The following PTPN23 variants were observed in gnomAD, a reference collection of about 807,000 sequenced individuals.
The protein encoded by PTPN23 is protein tyrosine phosphatase non-receptor type 23.
Under a neutral mutation model 156.3 loss-of-function variants are expected in PTPN23, and 72 were observed. That is an observed-to-expected ratio of 0.46 (90% CI 0.38 to 0.56). The LOEUF is 0.56. PTPN23 is among the 20% of genes least tolerant of loss of function. PTPN23 has a pLI of 0.00. For missense variants in PTPN23, 1,974 were observed against 2,171.5 expected (o/e 0.91, Z 1.81); for synonymous variants, 957 against 899.6 (o/e 1.06, Z -1.14).
At chr3:47,399,182 A>G (rs1704942183) in intron 2 of PTPN23, among the ~76,000 whole-genome samples, 1 of 152,210 alleles carries the variant, frequency 6.6e-6, no homozygotes, top group Non-Finnish European at 1.5e-5. Flanking sequence ...TTTGGAGGAC[A>G]GAGTCCTTTT....
chr3:47,385,280 A>C (rs1476628643), intron 1 of PTPN23, among the ~76,000 whole-genome samples: 1 of 152,202 alleles, frequency 6.6e-6, no homozygotes, highest in Non-Finnish European at 1.5e-5. Context: ...GCTCAAGTCC[A>C]GCTTACTTGG....
At chr3:47,387,990 T>C (rs1414872946) in intron 1 of PTPN23, among the ~76,000 whole-genome samples, 2 of 152,184 alleles carry the variant, frequency 1.3e-5, no homozygotes, top group Non-Finnish European at 2.9e-5. Flanking sequence ...TACTGTTTGG[T>C]GCTCAGTAAA....
rs749541946 is a variant in PTPN23, at chr3:47,405,808, G to A, written c.414+10G>A. The A allele has an allele frequency of 3.8e-6, 6 of 1,589,358 alleles. No homozygotes were observed. The highest frequency in any genetic ancestry group is 4.3e-6 in the Non-Finnish European group (5 of 1,167,460). On this transcript the variant is annotated intron_variant, in intron 5 of 24. Coordinates refer to ENST00000265562, the MANE Select transcript of PTPN23 (RefSeq NM_015466.4). This position sits in a 1 kb window ranked among gnomAD's most constrained non-coding sequence, Gnocchi z 4.7. ...GCGGGTGTCTGAGGAGGTGAGGAGA[G>A]GGGCAGTAGTGGAACATGTGGACAT... is the stretch of plus-strand genomic sequence containing the variant.
intron 23 of PTPN23, 27 bp from the exon 24 acceptor site, chr3:47,412,487 C>T (rs1270164328): frequency 6.2e-7 from 1 of 1,611,828 alleles, no homozygotes; most frequent in Non-Finnish European, 8.5e-7. Context: ...CCCTGCCCAG[C>T]TGACCTGGCC....
intron 1 of PTPN23, among the ~76,000 whole-genome samples, chr3:47,387,383 A>C (rs936889814): frequency 4.7e-5 from 7 of 149,692 alleles, no homozygotes; most frequent in Admixed American, 2.0e-4. Context: ...CCTGGGCAAC[A>C]AAGCAAGACC....
chr3:47,382,881 G>A (rs930088445), intron 1 of PTPN23, among the ~76,000 whole-genome samples: 48 of 150,164 alleles, frequency 3.2e-4, no homozygotes, highest in Admixed American at 8.0e-4. Flanking sequence ...GTGGAGAGGG[G>A]GTTTCATCGT....
Position 47,408,785 on chromosome 3 carries a change from G to A in PTPN23, c.1340G>A (p.Gly447Asp), listed in dbSNP as rs755297831. ...CAATCCACAACCCCAGTGCTGTCAG[G>A]TGTGTTCACGGATGTGGAGGCTTCC... ...NLVQSMQVLS[G>D]VFTDVEASLK... Residue 447 changes from glycine to aspartate, a missense_variant, in exon 16 of 25, where the codon GGT becomes GAT. By Grantham distance (94) the Gly-to-Asp change is moderately conservative. Transcript: ENST00000265562. 6.3e-7 allele frequency: 1 copy of A among 1,592,814 alleles called. No homozygotes were observed. Among genetic ancestry groups the A allele is most frequent in the Admixed American group, 1.7e-5 (1 of 59,026 alleles).
At chr3:47,403,401 A>T (rs1252660019) in intron 2 of PTPN23, among the ~76,000 whole-genome samples, 1 of 152,092 alleles carries the variant, frequency 6.6e-6, no homozygotes, top group Non-Finnish European at 1.5e-5. Flanking sequence ...AGGCATCTTA[A>T]CATATGAGTA....
At chr3:47,386,031 A>T (rs775076806) in intron 1 of PTPN23, among the ~76,000 whole-genome samples, 1 of 152,150 alleles carries the variant, frequency 6.6e-6, no homozygotes, top group Non-Finnish European at 1.5e-5. Context: ...GTTGAACTGT[A>T]CGTCATTAGG....
rs553568526 is a variant in PTPN23 at position 47,408,732 on chromosome 3, G to A, written c.1331-44G>A. 2.3e-5 allele frequency: 35 copies of A among 1,548,534 alleles called. No homozygotes were observed. The East Asian group carries it at 3.4e-4, about 15-fold the overall frequency. ...TTGGGGGAGGGGCCCATGGGTGCCC[G>A]GTCAGCCTGCCTCAGGGGCTGCCTG... On this transcript the variant is annotated intron_variant, in intron 15 of 24. Transcript: ENST00000265562.
intron 2 of PTPN23, among the ~76,000 whole-genome samples, chr3:47,401,069 AT>A (rs1210525574): frequency 1.3e-5 from 2 of 148,446 alleles, no homozygotes; most frequent in Non-Finnish European, 3.0e-5. Flanking sequence ...TGCCTGGCTA[AT>A]TTTTGTATTT....
intron 1 of PTPN23, among the ~76,000 whole-genome samples, chr3:47,387,403 CAAAAAAAAAA>C (rs34969941): frequency 9.3e-6 from 1 of 107,922 alleles, no homozygotes; most frequent in South Asian, 3.2e-4. Flanking sequence ...CCTGTCTCTA[CAAAAAAAAAA>C]AAAAAAAAAG....
chr3:47,412,864 G>A lies in PTPN23; in HGVS notation c.4590G>A (p.Pro1530=). ...GCCCTGCAGAGCCCCCAGGCCTCCCGCCAGCCAGCCTCCCAGAGTCTACCC... is the reference window on the plus strand; with the variant it reads ...GCCCTGCAGAGCCCCCAGGCCTCCCACCAGCCAGCCTCCCAGAGTCTACCC... The part of the protein sequence containing the change: ...LPGPAEPPGL[P]PASLPESTPI... The change falls in exon 25 of 25, where the codon CCG becomes CCA. Residue 1530 remains proline, a synonymous_variant. Transcript: ENST00000265562. The A allele has an allele frequency of 5.0e-6, 8 of 1,613,178 alleles. No homozygotes were observed. The highest frequency in any genetic ancestry group is 6.8e-6 in the Non-Finnish European group (8 of 1,179,780).
intron 1 of PTPN23, among the ~76,000 whole-genome samples, chr3:47,392,686 C>A (rs1225050542): frequency 6.6e-6 from 1 of 152,100 alleles, no homozygotes; most frequent in African/African-American, 2.4e-5. Flanking sequence ...TGGCTTTTAT[C>A]ATATTCTCAA....
At position 47,405,486 on chromosome 3, in the gene PTPN23, G is replaced by T; in HGVS notation, c.365-263G>T. ...GAAGCTTGGGGAGCCCCAGAGTTCTGTGCAAACATCCCTGAAGCTTCAAGA... is the reference window on the plus strand; with the variant it reads ...GAAGCTTGGGGAGCCCCAGAGTTCTTTGCAAACATCCCTGAAGCTTCAAGA... On this transcript the variant is annotated intron_variant, in intron 4 of 24. Transcript: ENST00000265562. This position sits in a 1 kb window ranked among gnomAD's most constrained non-coding sequence, Gnocchi z 4.7. 1 of 559,560 alleles carries T rather than the reference G, an allele frequency of 1.8e-6. No homozygotes were observed. Among genetic ancestry groups the T allele is most frequent in the Non-Finnish European group, 3.2e-6 (1 of 314,726 alleles). 34.7% of individuals were successfully genotyped at this position (559,560 alleles called of 1,614,324 possible).
At position 47,405,725 on chromosome 3, in the gene PTPN23, T is replaced by C. The variant is rs1332251006; in HGVS notation, c.365-24T>C. ...ATGGGTGTGAGCAGCCCCAGGCCCC[T>C]AACACTGTCCCCTCCCTCCCCAGGA... On this transcript the variant is annotated intron_variant, in intron 4 of 24. Coordinates refer to ENST00000265562, the MANE Select transcript of PTPN23 (RefSeq NM_015466.4). This position sits in a 1 kb window ranked among gnomAD's most constrained non-coding sequence, Gnocchi z 4.7. The C allele has an allele frequency of 1.9e-6, 3 of 1,596,068 alleles. No individual in the cohort carries two copies. Among genetic ancestry groups the C allele is most frequent in the African/African-American group, 2.7e-5 (2 of 74,420 alleles).
At position 47,405,100 on chromosome 3, in the gene PTPN23, T is replaced by C; in HGVS notation, c.364+19T>C. Reference sequence around the variant, plus strand: ...AACCTTGGTGAGCTGCCTGATCCCTTCCCCCGGCCCTACTCCCCAGTCCTG... The same window carrying C: ...AACCTTGGTGAGCTGCCTGATCCCTCCCCCCGGCCCTACTCCCCAGTCCTG... On this transcript the variant is annotated intron_variant, in intron 4 of 24. Coordinates refer to ENST00000265562, the MANE Select transcript of PTPN23 (RefSeq NM_015466.4). The surrounding 1 kb of genome is among the most constrained non-coding windows in gnomAD (Gnocchi z 4.7). 6.2e-7 allele frequency: 1 copy of C among 1,612,110 alleles called. No homozygotes were observed. The highest frequency in any genetic ancestry group is 8.5e-7 in the Non-Finnish European group (1 of 1,178,352).
At chr3:47,409,859 T>G in intron 19 of PTPN23, 25 bp downstream of exon 19, 2 of 1,602,526 alleles carry the variant, frequency 1.2e-6, no homozygotes, top group Non-Finnish European at 8.5e-7. Context: ...GGGGCTGTGG[T>G]GCGGCTCGGG....
rs752515390 is a variant in PTPN23 at position 47,411,200 on chromosome 3, T to TG, written c.3407dup (p.Gly1137TrpfsTer14). 1 of 1,604,194 alleles carries TG rather than the reference T, an allele frequency of 6.2e-7. No homozygotes were observed. The highest frequency in any genetic ancestry group is 1.7e-5 in the Admixed American group (1 of 59,372). On this transcript the variant is annotated frameshift_variant, in exon 20 of 25. Coordinates refer to ENST00000265562, the MANE Select transcript of PTPN23 (RefSeq NM_015466.4). LOFTEE classifies it high-confidence loss of function. This position sits in a 1 kb window ranked among gnomAD's most constrained non-coding sequence, Gnocchi z 6.3. Reference sequence around the variant, plus strand: ...GCCAGCATGGCGGCACTCAGTCTCCTGGGGGTGGGCAGCCCCTGCTGCAGC... The same window carrying TG: ...GCCAGCATGGCGGCACTCAGTCTCCTGGGGGGTGGGCAGCCCCTGCTGCAGC...
Sources: gnomAD v4.1 joint callset for allele counts (sites outside exome capture counted in the v4.1 genomes callset) on GRCh38, gnomAD v4.1.1 for gene constraint, Gnocchi (gnomAD v3.1) non-coding constraint, MANE v1.5 for transcripts, NCBI Gene and HGNC (gene_info 2026-07-23, HGNC 2026-07-21) for gene names.